Variants in VPS54 observed in about 807,000 individuals in gnomAD.
VPS54 encodes vacuolar protein sorting-associated protein 54.
A neutral mutation model predicts 121.5 loss-of-function variants in VPS54; 45 were observed. The ratio of observed to expected loss-of-function variants is 0.37; its 90% CI spans 0.29 to 0.47. The LOEUF (loss-of-function observed/expected upper bound fraction) is 0.47, where lower values mean the gene tolerates loss of function less well. Among genes scored for constraint, VPS54 ranks in the 20% least tolerant of loss-of-function variants. The pLI, the probability that VPS54 is intolerant of heterozygous loss-of-function variation, is 0.99. For missense variants in VPS54, 1,090 were observed against 1,131.4 expected (o/e 0.96, Z 0.52); for synonymous variants, 371 against 385.8 (o/e 0.96, Z 0.45).
chr2:63,965,074 T>A (rs1675930863), intron 6 of VPS54, among the ~76,000 whole-genome samples: 1 of 152,188 alleles, frequency 6.6e-6, no homozygotes, highest in African/African-American at 2.4e-5. Flanking sequence ...ATAGGAATAT[T>A]GTATTCTTTA....
At chr2:63,909,178 A>C (rs1673027115) in intron 20 of VPS54, among the ~76,000 whole-genome samples, 1 of 152,146 alleles carries the variant, frequency 6.6e-6, no homozygotes. Context: ...TATATCCTAC[A>C]TCCTGTCATA....
intron 1 of VPS54, among the ~76,000 whole-genome samples, chr2:64,016,878 G>T (rs1327701289): frequency 1.3e-5 from 2 of 151,870 alleles, no homozygotes; most frequent in East Asian, 3.9e-4. Context: ...CAAAGTGGTG[G>T]GATTACAGGT....
chr2:64,006,193 T>C (rs1003156646), intron 1 of VPS54, among the ~76,000 whole-genome samples: 2 of 152,210 alleles, frequency 1.3e-5, no homozygotes, highest in Admixed American at 1.3e-4. Flanking sequence ...TGCATGACTA[T>C]TCAATGAACG....
chr2:64,010,281 T>A (rs1288622709), intron 1 of VPS54, among the ~76,000 whole-genome samples: 2 of 152,232 alleles, frequency 1.3e-5, no homozygotes, highest in African/African-American at 4.8e-5. Flanking sequence ...ATTTTGGACC[T>A]AATTTTTTTA....
At chr2:64,015,069 A>C (rs1185394105) in intron 1 of VPS54, among the ~76,000 whole-genome samples, 1 of 152,148 alleles carries the variant, frequency 6.6e-6, no homozygotes, top group East Asian at 1.9e-4. Context: ...AGTGTTATCC[A>C]TAAAGTTAAA....
chr2:63,914,019 C>G (rs1411654274), intron 17 of VPS54, 163 bp downstream of exon 17: 2 of 1,084,728 alleles, frequency 1.8e-6, no homozygotes, highest in African/African-American at 3.2e-5. Flanking sequence ...AAGCAGGCAG[C>G]CTGTTTCCAA....
chr2:63,969,083 G>T, intron 4 of VPS54, 92 bp from the exon 5 acceptor site: 1 of 1,033,118 alleles, frequency 9.7e-7, no homozygotes, highest in Non-Finnish European at 1.4e-6. Flanking sequence ...ATTGTACTGG[G>T]TCACATCCAA....
At chr2:63,937,454 T>C (rs1674503401) in intron 11 of VPS54, among the ~76,000 whole-genome samples, 1 of 152,192 alleles carries the variant, frequency 6.6e-6, no homozygotes, top group South Asian at 2.1e-4. Context: ...TACCACCTCA[T>C]ACCCATTAGG....
Position 63,981,891 on chromosome 2 carries a change from C to CA in VPS54, c.137-5dup. 6 of 1,602,926 alleles carry CA rather than the reference C, an allele frequency of 3.7e-6. No individual in the cohort carries two copies. Among genetic ancestry groups the CA allele is most frequent in the Non-Finnish European group, 5.1e-6 (6 of 1,175,096 alleles). On this transcript the variant is annotated splice_region_variant and splice_polypyrimidine_tract_variant and intron_variant, in intron 2 of 22. Coordinates refer to ENST00000272322, the MANE Select transcript of VPS54 (RefSeq NM_016516.3). ...ACATATAAACTATGTGAATCACCTG[C>CA]AAAAAGTAAACAAGAGAACTCTGTA...
At chr2:63,989,529 G>C (rs72891091) in intron 1 of VPS54, among the ~76,000 whole-genome samples, 2,197 of 152,212 alleles carry the variant, frequency 0.014, 50 homozygotes, top group African/African-American at 0.051. Context: ...GAAATATCGG[G>C]AACTGGTTCC....
chr2:63,948,069 G>T (rs56015711), intron 8 of VPS54, among the ~76,000 whole-genome samples: 3 of 151,816 alleles, frequency 2.0e-5, no homozygotes, highest in Admixed American at 2.0e-4. Context: ...GGGCTCAAAC[G>T]ATCCTCTAGC....
intron 12 of VPS54, among the ~76,000 whole-genome samples, chr2:63,931,250 A>C (rs577754336): frequency 2.0e-5 from 3 of 152,322 alleles, no homozygotes; most frequent in Admixed American, 2.0e-4. Flanking sequence ...CCTGACGTCA[A>C]ACTATACTAC....
intron 22 of VPS54, among the ~76,000 whole-genome samples, chr2:63,896,469 T>C (rs951311163): frequency 2.0e-5 from 3 of 152,174 alleles, no homozygotes; most frequent in South Asian, 2.1e-4. Flanking sequence ...TCCATGGCTT[T>C]GAAATTTTTG....
intron 7 of VPS54, among the ~76,000 whole-genome samples, chr2:63,956,900 C>G (rs1012638563): frequency 6.6e-6 from 1 of 152,064 alleles, no homozygotes; most frequent in South Asian, 2.1e-4. Context: ...GAGCAAATAA[C>G]GACACCACAG....
chr2:63,932,136 C>T (rs1312517668), intron 12 of VPS54, among the ~76,000 whole-genome samples: 1 of 152,142 alleles, frequency 6.6e-6, no homozygotes, highest in African/African-American at 2.4e-5. Context: ...TACCATTTGA[C>T]CCAGACATCC....
In VPS54 at chr2:63,997,309, C is replaced by G. The variant is rs1677643669; in HGVS notation, c.-20-13290G>C. ...CCCTCATTAAATGTTTGGTAGAATT[C>G]AGCAGTGAAGCCATTCAGGTTCTGG... is the stretch of plus-strand genomic sequence containing the variant. On this transcript the variant is annotated intron_variant, in intron 1 of 22. Transcript: ENST00000272322. Among the ~76,000 whole-genome samples the G allele has an allele frequency of 2.0e-5, 3 of 152,276 alleles. No homozygotes were observed. In the South Asian group the frequency reaches 6.2e-4, roughly 32 times the overall value.
Position 63,984,157 on chromosome 2 carries a change from T to C in VPS54, c.-20-138A>G, listed in dbSNP as rs192098780. On this transcript the variant is annotated intron_variant, in intron 1 of 22. Transcript: ENST00000272322. ...AGGCAATTTGAATATTTGCTCTTAA[T>C]TGGGAAAATTGATCACAATATTTAG... 6,732 of 695,070 alleles carry C rather than the reference T, an allele frequency of 9.7e-3. 45 individuals carry two copies. Among genetic ancestry groups the C allele is most frequent in the Non-Finnish European group, 0.012 (5,388 of 464,768 alleles). 43.1% of individuals were successfully genotyped at this position (695,070 alleles called of 1,614,324 possible). A position where few individuals can be genotyped will look rare whatever the true frequency, so the allele number is the denominator to read the frequency against.
intron 5 of VPS54, among the ~76,000 whole-genome samples, chr2:63,967,863 AC>A (rs1676082555): frequency 1.3e-5 from 2 of 152,084 alleles, no homozygotes; most frequent in African/African-American, 4.8e-5. Context: ...ACAAGAAAGT[AC>A]CCATGTAAAG....
intron 12 of VPS54, among the ~76,000 whole-genome samples, chr2:63,926,703 C>CAAGGGGTCGGG (rs1553473588): frequency 1.3e-5 from 2 of 152,188 alleles, no homozygotes; most frequent in African/African-American, 4.8e-5. Flanking sequence ...CTGGGAAGCA[C>CAAGGGGTCGGG]AAGGGGTCGG....
Sources: allele counts gnomAD v4.1 joint callset (sites outside exome capture counted in the v4.1 genomes callset), GRCh38; gene constraint gnomAD v4.1.1; transcripts MANE v1.5; gene names NCBI Gene and HGNC (gene_info 2026-07-23, HGNC 2026-07-21).